The following HDAC9 variants were observed in gnomAD, a reference collection of about 807,000 sequenced individuals.
The protein encoded by HDAC9 is histone deacetylase 9.
HDAC9 carries 41 observed loss-of-function variants against 139.4 expected under a neutral mutation model. The observed-to-expected ratio is 0.29, with a 90% CI of 0.23 to 0.38. HDAC9 has a LOEUF of 0.38. HDAC9 is among the 10% of genes least tolerant of loss of function. The probability of loss-of-function intolerance (pLI) is 1.00; values close to 1 mark genes in which losing one functional copy is unlikely to be tolerated. For missense variants in HDAC9, 1,147 were observed against 1,297.0 expected (o/e 0.88, Z 1.78); for synonymous variants, 517 against 476.2 (o/e 1.09, Z -1.12).
chr7:18,112,359 G>A (rs974043811), intron 1 of HDAC9, among the ~76,000 whole-genome samples: 2 of 152,124 alleles, frequency 1.3e-5, no homozygotes, highest in Non-Finnish European at 2.9e-5. Flanking sequence ...TTAAGAATGC[G>A]GACTACAGTT....
chr7:18,811,109 T>A (rs893908708), intron 17 of HDAC9, among the ~76,000 whole-genome samples: 11 of 151,700 alleles, frequency 7.3e-5, no homozygotes, highest in Non-Finnish European at 1.3e-4. Context: ...TCAGCTTTCT[T>A]ATTCCTGAGA....
intron 17 of HDAC9, among the ~76,000 whole-genome samples, chr7:18,826,555 A>T (rs951141121): frequency 1.3e-5 from 2 of 151,766 alleles, no homozygotes; most frequent in African/African-American, 4.8e-5. Context: ...TAGCAGAATG[A>T]TGGAGGTTCC....
chr7:18,267,309 G>A (rs1796067956), intron 2 of HDAC9, among the ~76,000 whole-genome samples: 1 of 151,986 alleles, frequency 6.6e-6, no homozygotes, highest in Non-Finnish European at 1.5e-5. Flanking sequence ...GAACACTTAG[G>A]AATATTTCTC....
chr7:18,856,893 T>A (rs1797722567), intron 21 of HDAC9, among the ~76,000 whole-genome samples: 1 of 152,184 alleles, frequency 6.6e-6, no homozygotes, highest in Admixed American at 6.6e-5. Context: ...TAGTATTCAT[T>A]TGCCACCTGA....
intron 12 of HDAC9, among the ~76,000 whole-genome samples, chr7:18,725,798 T>C (rs560343508): frequency 6.6e-6 from 1 of 152,268 alleles, no homozygotes; most frequent in South Asian, 2.1e-4. Flanking sequence ...ACTATATTAA[T>C]CTTACTGCTG....
At chr7:18,688,834 G>T (rs1022438718) in intron 12 of HDAC9, among the ~76,000 whole-genome samples, 9 of 151,864 alleles carry the variant, frequency 5.9e-5, no homozygotes, top group Non-Finnish European at 1.3e-4. Context: ...TACAGAGAAA[G>T]GTTAAGACAA....
chr7:18,332,691 G>T (rs1048592419), intron 1 of HDAC9, among the ~76,000 whole-genome samples: 1 of 151,606 alleles, frequency 6.6e-6, no homozygotes, highest in African/African-American at 2.4e-5. Context: ...AGAAATTCAA[G>T]ATGGTGATTA....
chr7:18,212,290 G>C (rs1791996717), intron 2 of HDAC9, among the ~76,000 whole-genome samples: 1 of 151,982 alleles, frequency 6.6e-6, no homozygotes, highest in Non-Finnish European at 1.5e-5. Flanking sequence ...GTTCTAATAT[G>C]CTTCTTCCAT....
intron 14 of HDAC9, among the ~76,000 whole-genome samples, chr7:18,758,968 G>A (rs1010571479): frequency 6.8e-6 from 1 of 146,836 alleles, no homozygotes; most frequent in South Asian, 2.2e-4. Flanking sequence ...ATAATAATAA[G>A]AGCCAGTGTA....
intron 2 of HDAC9, among the ~76,000 whole-genome samples, chr7:18,560,447 T>C (rs372650542): frequency 1.1e-4 from 16 of 152,286 alleles, no homozygotes; most frequent in African/African-American, 3.4e-4. Flanking sequence ...ACACTAACCA[T>C]TGTGCTACCA....
At chr7:18,827,977 G>A (rs2129204992) in intron 17 of HDAC9, among the ~76,000 whole-genome samples, 1 of 152,052 alleles carries the variant, frequency 6.6e-6, no homozygotes. Context: ...TAAGAACAGG[G>A]AATATGTTTA....
In HDAC9 at chr7:18,129,358, G is replaced by T. The variant is rs563304428; in HGVS notation, c.-96-32871G>T. 2.6e-5 allele frequency among the ~76,000 whole-genome samples: 4 copies of T among 152,068 alleles called. No homozygotes were observed. In the South Asian group the frequency reaches 8.3e-4, roughly 32 times the overall value. Reference sequence around the variant, plus strand: ...TTGTTATAATGTGTCTTTCTCTCATGCTAGACTCTAAATTCATTGAGAGAG... The same window carrying T: ...TTGTTATAATGTGTCTTTCTCTCATTCTAGACTCTAAATTCATTGAGAGAG... On this transcript the variant is annotated intron_variant, in intron 1 of 12. Transcript: ENST00000417496.
chr7:18,923,512 A>T (rs1385152922), intron 22 of HDAC9, among the ~76,000 whole-genome samples: 1 of 151,960 alleles, frequency 6.6e-6, no homozygotes, highest in Non-Finnish European at 1.5e-5. Context: ...ACTCCTCTTT[A>T]TCTTTGATCT....
At chr7:18,681,165 G>T (rs943494411) in intron 12 of HDAC9, among the ~76,000 whole-genome samples, 1 of 151,938 alleles carries the variant, frequency 6.6e-6, no homozygotes, top group African/African-American at 2.4e-5. Flanking sequence ...TTTGGTTCAT[G>T]TGTGTATTTT....
intron 22 of HDAC9, among the ~76,000 whole-genome samples, chr7:18,882,637 T>C (rs1173505998): frequency 6.7e-6 from 1 of 149,280 alleles, no homozygotes; most frequent in East Asian, 1.9e-4. Flanking sequence ...GTTAGTTTCC[T>C]AATCAGCCAA....
At chr7:18,964,681 G>C (rs1182802239) in intron 24 of HDAC9, among the ~76,000 whole-genome samples, 1 of 152,210 alleles carries the variant, frequency 6.6e-6, no homozygotes, top group African/African-American at 2.4e-5. Context: ...GGAAGGGAAA[G>C]AGACATATCT....
At chr7:18,270,304 A>AC (rs941767407) in intron 2 of HDAC9, among the ~76,000 whole-genome samples, 16 of 151,298 alleles carry the variant, frequency 1.1e-4, no homozygotes, top group South Asian at 2.1e-4. Context: ...TAAACAAAAA[A>AC]AAAACTGTGA....
At chr7:18,745,833 A>C (rs1319681868) in intron 13 of HDAC9, among the ~76,000 whole-genome samples, 2 of 146,118 alleles carry the variant, frequency 1.4e-5, no homozygotes, top group African/African-American at 5.1e-5. Context: ...GGCGTGAGCC[A>C]CCGTGCCCGG....
chr7:18,581,261 A>G (rs1482233660), intron 2 of HDAC9, among the ~76,000 whole-genome samples: 3 of 152,240 alleles, frequency 2.0e-5, no homozygotes, highest in East Asian at 1.9e-4. Context: ...AATAAATTGG[A>G]TGAAAGACTG....
Sources: gnomAD v4.1 joint callset for allele counts (sites outside exome capture counted in the v4.1 genomes callset) on GRCh38, gnomAD v4.1.1 for gene constraint, MANE v1.5 for transcripts, NCBI Gene and HGNC (gene_info 2026-07-23, HGNC 2026-07-21) for gene names.